CACNB4: variants seen among roughly 807,000 people sequenced by gnomAD.
The protein encoded by CACNB4 is voltage-dependent L-type calcium channel subunit beta-4.
Under a neutral mutation model 71.2 loss-of-function variants are expected in CACNB4, and 32 were observed. That is an observed-to-expected ratio of 0.45 (90% CI 0.34 to 0.60). The LOEUF (loss-of-function observed/expected upper bound fraction) is 0.60, where lower values mean the gene tolerates loss of function less well. Among genes scored for constraint, CACNB4 ranks in the 20% least tolerant of loss-of-function variants. The pLI is 0.01. For missense variants in CACNB4, 464 were observed against 647.9 expected (o/e 0.72, Z 3.08); for synonymous variants, 231 against 236.9 (o/e 0.97, Z 0.23).
intron 2 of CACNB4, among the ~76,000 whole-genome samples, chr2:152,086,881 AAC>A (rs1001975662): frequency 7.9e-5 from 12 of 152,170 alleles, no homozygotes; most frequent in Non-Finnish European, 1.6e-4. Flanking sequence ...CTATAATCCC[AAC>A]ACTTTAGGAG....
intron 2 of CACNB4, among the ~76,000 whole-genome samples, chr2:151,985,341 A>G (rs1489062584): frequency 6.6e-6 from 1 of 152,190 alleles, no homozygotes; most frequent in African/African-American, 2.4e-5. Context: ...ACAATTACAA[A>G]CTATTGCACC....
chr2:151,998,237 A>C (rs1682178399), intron 2 of CACNB4, among the ~76,000 whole-genome samples: 2 of 150,896 alleles, frequency 1.3e-5, no homozygotes, highest in South Asian at 4.2e-4. Context: ...AGACAAGAGA[A>C]TCGCTTGAAC....
At chr2:152,015,790 GT>G (rs1407697890) in intron 2 of CACNB4, among the ~76,000 whole-genome samples, 1 of 152,152 alleles carries the variant, frequency 6.6e-6, no homozygotes, top group Admixed American at 6.5e-5. Flanking sequence ...ATAAACTCTG[GT>G]TGTCATAAGC....
Position 151,957,257 on chromosome 2 carries a change from C to CGTGTGTGTGT in CACNB4, c.148-73897_148-73888dup, listed in dbSNP as rs1553791572. On this transcript the variant is annotated intron_variant, in intron 2 of 13. Coordinates refer to ENST00000539935, the MANE Select transcript of CACNB4 (RefSeq NM_000726.5). ...AGAAAAAAAAAGTAGAGTGGCTGGG[C>CGTGTGTGTGT]GTGTGTGTGTGTGTGTGTGTGTGTG... Among the ~76,000 whole-genome samples the CGTGTGTGTGT allele has an allele frequency of 4.1e-3, 542 of 131,844 alleles. 10 individuals are homozygous for CGTGTGTGTGT. The highest frequency in any genetic ancestry group is 0.012 in the East Asian group (55 of 4,610). 86.5% of individuals were successfully genotyped at this position (131,844 alleles called of 152,430 possible).
At chr2:152,042,240 C>T (rs574664473) in intron 2 of CACNB4, among the ~76,000 whole-genome samples, 1 of 152,324 alleles carries the variant, frequency 6.6e-6, no homozygotes, top group Non-Finnish European at 1.5e-5. Context: ...TCTAGGGTCA[C>T]CAGCAAGGCC....
intron 2 of CACNB4, chr2:151,968,755 C>G (rs189405424): frequency 6.6e-5 from 10 of 152,220 alleles, no homozygotes; most frequent in Admixed American, 5.2e-4. Context: ...GTCACAGGGC[C>G]ATATTCTAAA....
Position 151,876,494 on chromosome 2 carries a change from A to C in CACNB4, c.453T>G (p.Ile151Met). The C allele has an allele frequency of 6.2e-7, 1 of 1,605,408 alleles. No homozygotes were observed. The highest frequency in any genetic ancestry group is 8.5e-7 in the Non-Finnish European group (1 of 1,173,936). ...TGTTCTCCAATCTGAGTGGACTTGG[A>C]ATGAAGCCAATTTCACAGCCCTCTT... ...LVKEGCEIGF[I>M]PSPLRLENIR... The change falls in exon 5 of 14, where the codon ATT (isoleucine) becomes ATG (methionine). Residue 151 changes from isoleucine (I) to methionine (M), a missense_variant. Transcript: ENST00000539935.
At chr2:152,066,069 G>A (rs1238371456) in intron 2 of CACNB4, among the ~76,000 whole-genome samples, 1 of 152,156 alleles carries the variant, frequency 6.6e-6, no homozygotes, top group Non-Finnish European at 1.5e-5. Context: ...GCCTATACAG[G>A]AAGCCCTTCA....
At chr2:152,082,368 A>C (rs895162199) in intron 2 of CACNB4, among the ~76,000 whole-genome samples, 1 of 152,224 alleles carries the variant, frequency 6.6e-6, no homozygotes, top group Non-Finnish European at 1.5e-5. Flanking sequence ...CTCAGCACTT[A>C]AGTGACAAAG....
intron 2 of CACNB4, among the ~76,000 whole-genome samples, chr2:152,076,266 C>T (rs1184383452): frequency 2.0e-5 from 3 of 150,164 alleles, no homozygotes; most frequent in East Asian, 3.9e-4. Context: ...CTCAGCCTCC[C>T]GAGTAGCTGA....
intron 2 of CACNB4, among the ~76,000 whole-genome samples, chr2:152,009,022 C>T (rs886291203): frequency 6.6e-6 from 1 of 151,960 alleles, no homozygotes; most frequent in Non-Finnish European, 1.5e-5. Context: ...ACCATCAGGC[C>T]TTTATCAAAA....
At chr2:151,898,503 C>A (rs1270978053) in intron 2 of CACNB4, among the ~76,000 whole-genome samples, 1 of 152,206 alleles carries the variant, frequency 6.6e-6, no homozygotes, top group Non-Finnish European at 1.5e-5. Context: ...CCCTCAGAGA[C>A]AAAACACTCT....
chr2:151,878,692 T>G (rs1277577547), intron 4 of CACNB4, among the ~76,000 whole-genome samples: 1 of 147,400 alleles, frequency 6.8e-6, no homozygotes, highest in African/African-American at 2.5e-5. Context: ...AGTATAGTAG[T>G]GTACTACTAA....
chr2:151,973,615 G>T, intron 2 of CACNB4: 1 of 1,515,362 alleles, frequency 6.6e-7, no homozygotes, highest in Non-Finnish European at 9.1e-7. Context: ...GGAGGGGATA[G>T]TGGGAGGAGG....
intron 2 of CACNB4, among the ~76,000 whole-genome samples, chr2:151,913,175 A>G (rs1329619199): frequency 6.6e-6 from 1 of 152,172 alleles, no homozygotes; most frequent in Non-Finnish European, 1.5e-5. Context: ...ACTTAAGGTT[A>G]GTATTGCTAT....
intron 2 of CACNB4, among the ~76,000 whole-genome samples, chr2:152,040,085 G>T (rs182075058): frequency 6.6e-6 from 1 of 152,086 alleles, no homozygotes; most frequent in African/African-American, 2.4e-5. Context: ...TTTTCATTGC[G>T]GCTAAATGGG....
At chr2:151,997,303 G>A (rs1033849954) in intron 2 of CACNB4, among the ~76,000 whole-genome samples, 1 of 152,172 alleles carries the variant, frequency 6.6e-6, no homozygotes, top group Non-Finnish European at 1.5e-5. Context: ...GGGAGGCTGA[G>A]GCAGGCGGAT....
At chr2:152,012,545 A>T (rs1683117893) in intron 2 of CACNB4, among the ~76,000 whole-genome samples, 1 of 151,334 alleles carries the variant, frequency 6.6e-6, no homozygotes, top group Non-Finnish European at 1.5e-5. Context: ...CGGAGGTTGC[A>T]GTGAGCCAAG....
At chr2:152,052,232 A>G (rs902724502) in intron 2 of CACNB4, among the ~76,000 whole-genome samples, 1 of 152,272 alleles carries the variant, frequency 6.6e-6, no homozygotes, top group African/African-American at 2.4e-5. Context: ...CTATTTTATA[A>G]TAAAGTATTG....
Sources: gnomAD v4.1 joint callset for allele counts (sites outside exome capture counted in the v4.1 genomes callset) on GRCh38, gnomAD v4.1.1 for gene constraint, MANE v1.5 for transcripts, NCBI Gene and HGNC (gene_info 2026-07-23, HGNC 2026-07-21) for gene names.